Variants in GLRA1 observed in about 807,000 individuals in gnomAD.
GLRA1 encodes the protein glycine receptor alpha 1.
GLRA1 carries 37 observed loss-of-function variants against 48.3 expected under a neutral mutation model. The ratio of observed to expected loss-of-function variants is 0.77; its 90% CI spans 0.59 to 1.01. The LOEUF (loss-of-function observed/expected upper bound fraction) is 1.01. Ranked by LOEUF, GLRA1 falls within the 50% of genes least tolerant of loss-of-function variation. The pLI is 0.00. For synonymous variants in GLRA1, 196 were observed against 210.7 expected (o/e 0.93, Z 0.60); for missense variants, 427 against 571.0 (o/e 0.75, Z 2.57).
chr5:151,901,631 G>A (rs1366953009), intron 1 of GLRA1, among the ~76,000 whole-genome samples: 5 of 152,196 alleles, frequency 3.3e-5, no homozygotes, highest in Admixed American at 3.3e-4. Flanking sequence ...TGGACAGAAA[G>A]TTTTGGGGAA....
In GLRA1 at chr5:151,822,803, A is replaced by G; in HGVS notation, c.1220T>C (p.Leu407Pro). The G allele has an allele frequency of 1.2e-6, 2 of 1,614,048 alleles. No homozygotes were observed. Among genetic ancestry groups the G allele is most frequent in the Non-Finnish European group, 1.7e-6 (2 of 1,179,976 alleles). The change falls in exon 9 of 9, where the codon CTC (leucine) becomes CCC (proline). Residue 407 changes from leucine (L) to proline (P), a missense_variant. By Grantham distance (98) the Leu-to-Pro change is moderately conservative (BLOSUM62 -3). Transcript: ENST00000274576. ...GATCTTCTTGGCCCTCTGGATGAAG[A>G]GTTTTCGCATCTCCTCTGGGGACTT... Reference protein sequence around the residue: ...PSKSPEEMRKLFIQRAKKIDK... With the variant: ...PSKSPEEMRKPFIQRAKKIDK...
intron 1 of GLRA1, among the ~76,000 whole-genome samples, chr5:151,917,080 A>G (rs956364534): frequency 3.3e-5 from 5 of 152,228 alleles, no homozygotes; most frequent in African/African-American, 9.6e-5. Flanking sequence ...CACCCACTCT[A>G]TAAACTTGAG....
At chr5:151,892,950 A>G (rs1754118473) in intron 1 of GLRA1, among the ~76,000 whole-genome samples, 1 of 152,204 alleles carries the variant, frequency 6.6e-6, no homozygotes, top group South Asian at 2.1e-4. Context: ...TTTATCAGGC[A>G]TTTTTACCTC....
chr5:151,857,063 C>G (rs1753065789), intron 4 of GLRA1, among the ~76,000 whole-genome samples: 2 of 152,130 alleles, frequency 1.3e-5, no homozygotes, highest in Non-Finnish European at 2.9e-5. Context: ...CTCCAGGCTC[C>G]CAAAGGCCTT....
intron 7 of GLRA1, among the ~76,000 whole-genome samples, chr5:151,839,197 G>T (rs759066126): frequency 2.6e-5 from 4 of 152,176 alleles, no homozygotes; most frequent in Non-Finnish European, 4.4e-5. Flanking sequence ...GTAAACAAAA[G>T]CTGAGAGACT....
rs1260468986 is a variant in GLRA1 at position 151,822,961 on chromosome 5, C to A, written c.1062G>T (p.Glu354Asp). The change falls in exon 9 of 9, where the codon GAG (glutamate) becomes GAT (aspartate). Residue 354 changes from glutamate (E) to aspartate (D), a missense_variant and splice_region_variant. Around this residue, in one of 4 missense-constraint regions of GLRA1, gnomAD observed 31 missense variants for 21.9 expected, o/e 1.41. Coordinates refer to ENST00000274576, the MANE Select transcript of GLRA1 (RefSeq NM_000171.4). ...TAAAGCGGCCTTCTCCAGCTTCATC[C>A]TCCTGGAATAGATTCAACATGGGGC... ...RFRRKRRHHK[E>D]DEAGEGRFNF... 6 of 1,601,378 alleles carry A rather than the reference C, an allele frequency of 3.7e-6. No individual in the cohort carries two copies. Among genetic ancestry groups the A allele is most frequent in the Non-Finnish European group, 4.3e-6 (5 of 1,172,624 alleles).
At chr5:151,896,807 T>C (rs957572889) in intron 1 of GLRA1, among the ~76,000 whole-genome samples, 1 of 152,216 alleles carries the variant, frequency 6.6e-6, no homozygotes, top group Non-Finnish European at 1.5e-5. Flanking sequence ...AATAGAAAAC[T>C]AATATTACTT....
intron 1 of GLRA1, among the ~76,000 whole-genome samples, chr5:151,921,291 TC>T (rs1399454574): frequency 6.6e-6 from 1 of 152,232 alleles, no homozygotes; most frequent in Non-Finnish European, 1.5e-5. Context: ...TAGACTTTCC[TC>T]CTCGTTATAA....
chr5:151,892,869 G>A (rs367741144), intron 1 of GLRA1, among the ~76,000 whole-genome samples: 1 of 152,132 alleles, frequency 6.6e-6, no homozygotes, highest in Non-Finnish European at 1.5e-5. Context: ...TTTCCTCAAG[G>A]TTTATTTTCA....
chr5:151,909,983 C>T (rs929212130), intron 1 of GLRA1, among the ~76,000 whole-genome samples: 45 of 152,032 alleles, frequency 3.0e-4, no homozygotes, highest in African/African-American at 1.1e-3. Flanking sequence ...AGAGTATGTA[C>T]CATCCATCAC....
intron 7 of GLRA1, chr5:151,850,519 G>A (rs1429006346): frequency 3.9e-6 from 4 of 1,017,310 alleles, no homozygotes; most frequent in Non-Finnish European, 6.3e-6. Context: ...AGTGGCACCA[G>A]TACCACATCC....
chr5:151,923,450 A>G (rs1321617449), intron 1 of GLRA1, among the ~76,000 whole-genome samples: 10 of 152,238 alleles, frequency 6.6e-5, no homozygotes, highest in African/African-American at 2.4e-4. Flanking sequence ...ACAGTAAAAT[A>G]TGAGAGGCAG....
At chr5:151,840,205 C>G (rs912227211) in intron 7 of GLRA1, among the ~76,000 whole-genome samples, 1 of 151,982 alleles carries the variant, frequency 6.6e-6, no homozygotes, top group African/African-American at 2.4e-5. Context: ...GCAGTCCTCC[C>G]ACCTCAGCCT....
intron 1 of GLRA1, among the ~76,000 whole-genome samples, chr5:151,908,155 G>C (rs1457029223): frequency 6.6e-6 from 1 of 152,186 alleles, no homozygotes; most frequent in Non-Finnish European, 1.5e-5. Context: ...TCAGGCCCCT[G>C]TTCTGTAGAC....
intron 2 of GLRA1, among the ~76,000 whole-genome samples, chr5:151,891,913 A>C (rs941757327): frequency 8.5e-5 from 13 of 152,284 alleles, no homozygotes; most frequent in Middle Eastern, 3.4e-3. Context: ...AAAGTTGCCA[A>C]GCCCATTACT....
chr5:151,850,219 C>T, intron 7 of GLRA1: 1 of 1,604,174 alleles, frequency 6.2e-7, no homozygotes, highest in Non-Finnish European at 8.5e-7. Context: ...CATTACCAGG[C>T]CTGCTTGTAT....
intron 3 of GLRA1, among the ~76,000 whole-genome samples, chr5:151,866,796 T>TGA (rs1010792120): frequency 2.6e-5 from 4 of 151,948 alleles, no homozygotes; most frequent in African/African-American, 4.8e-5. Flanking sequence ...AAATTGAAAG[T>TGA]GAGAGGGTCA....
chr5:151,824,319 C>A (rs1763219007), intron 8 of GLRA1, among the ~76,000 whole-genome samples: 1 of 151,890 alleles, frequency 6.6e-6, no homozygotes, highest in Non-Finnish European at 1.5e-5. Flanking sequence ...AGCCTCCAAT[C>A]TGCCCCCACC....
chr5:151,889,038 T>C (rs978977635), intron 2 of GLRA1, among the ~76,000 whole-genome samples: 14 of 152,316 alleles, frequency 9.2e-5, no homozygotes, highest in Admixed American at 9.2e-4. Flanking sequence ...AGTTACTGCC[T>C]ATGCCTTGAA....
Sources: allele counts gnomAD v4.1 joint callset (sites outside exome capture counted in the v4.1 genomes callset), GRCh38; gene constraint gnomAD v4.1.1; regional missense constraint gnomAD v4.1.1; transcripts MANE v1.5; gene names NCBI Gene and HGNC (gene_info 2026-07-23, HGNC 2026-07-21).